SNTB1: variants seen among roughly 807,000 people sequenced by gnomAD.
The protein encoded by SNTB1 is syntrophin beta 1.
SNTB1 carries 36 observed loss-of-function variants against 48.9 expected under a neutral mutation model. The ratio of observed to expected loss-of-function variants is 0.74; its 90% confidence interval spans 0.56 to 0.97. The LOEUF is 0.97. Ranked by LOEUF, SNTB1 falls within the 50% of genes least tolerant of loss-of-function variation. SNTB1 has a pLI of 0.00. For synonymous variants in SNTB1, 299 were observed against 294.6 expected (o/e 1.01, Z -0.15); for missense variants, 786 against 703.4 (o/e 1.12, Z -1.33).
chr8:120,711,165 C>T (rs1389429465), intron 1 of SNTB1, among the ~76,000 whole-genome samples: 3 of 152,082 alleles, frequency 2.0e-5, no homozygotes, highest in African/African-American at 7.2e-5. Context: ...GGACAAGTAG[C>T]CTGAAAAAAT....
chr8:120,600,616 A>T (rs1289383557), intron 3 of SNTB1, among the ~76,000 whole-genome samples: 1 of 152,176 alleles, frequency 6.6e-6, no homozygotes, highest in African/African-American at 2.4e-5. Flanking sequence ...GGAATTCCTT[A>T]CTTGTCTTTT....
intron 1 of SNTB1, among the ~76,000 whole-genome samples, chr8:120,747,298 G>A (rs1194832972): frequency 6.6e-6 from 1 of 152,002 alleles, no homozygotes; most frequent in African/African-American, 2.4e-5. Flanking sequence ...CTTATTTATT[G>A]ATTTATTTTT....
chr8:120,661,643 C>T (rs1244957668), intron 2 of SNTB1, among the ~76,000 whole-genome samples: 1 of 152,122 alleles, frequency 6.6e-6, no homozygotes, highest in African/African-American at 2.4e-5. Flanking sequence ...GTTCTCCCTC[C>T]CCTTTCCCCA....
chr8:120,799,961 A>T (rs987588646), intron 1 of SNTB1, among the ~76,000 whole-genome samples: 2 of 152,098 alleles, frequency 1.3e-5, no homozygotes, highest in African/African-American at 4.8e-5. Flanking sequence ...AATTTTCATG[A>T]CTTTTTGAAA....
Position 120,669,607 on chromosome 8 carries a change from C to T in SNTB1, c.788+24085G>A, listed in dbSNP as rs1454162451. On this transcript the variant is annotated intron_variant, in intron 2 of 6. Transcript: ENST00000517992. ...AGCTGGGACTACAGGCGCCTGCCAC[C>T]GCGCCCGGCTAATTTTTTGTATTTT... Among the ~76,000 whole-genome samples the T allele has an allele frequency of 5.7e-5, 5 of 88,414 alleles. 2 individuals carry two copies. Among genetic ancestry groups the T allele is most frequent in the South Asian group, 6.6e-4 (2 of 3,014 alleles). The allele number at this position is 88,414 out of a possible 152,430, so 58.0% of individuals were successfully genotyped here.
chr8:120,594,053 C>CTTTATTTA (rs147532780), intron 3 of SNTB1, among the ~76,000 whole-genome samples: 2,358 of 150,812 alleles, frequency 0.016, 22 homozygotes, highest in Non-Finnish European at 0.023. Flanking sequence ...CAGTACATGT[C>CTTTATTTA]TTTATTTATT....
chr8:120,711,315 A>G (rs1818460389), intron 1 of SNTB1, among the ~76,000 whole-genome samples: 1 of 138,130 alleles, frequency 7.2e-6, no homozygotes, highest in African/African-American at 2.9e-5. Context: ...ATATTACATA[A>G]TTTAAAAAAT....
intron 2 of SNTB1, among the ~76,000 whole-genome samples, chr8:120,684,934 G>A (rs538947320): frequency 2.6e-5 from 4 of 152,298 alleles, no homozygotes; most frequent in African/African-American, 9.6e-5. Flanking sequence ...GGGATTACAG[G>A]TGTGAGCCAC....
chr8:120,764,126 T>C (rs1211292314), intron 1 of SNTB1, among the ~76,000 whole-genome samples: 1 of 152,214 alleles, frequency 6.6e-6, no homozygotes, highest in East Asian at 1.9e-4. Context: ...TCCAAGGTTA[T>C]TCATTATAGT....
intron 3 of SNTB1, among the ~76,000 whole-genome samples, chr8:120,603,027 T>C (rs1353183080): frequency 6.6e-6 from 1 of 152,060 alleles, no homozygotes; most frequent in Admixed American, 6.6e-5. Context: ...TCTCAGTTAT[T>C]TTTGTGGGGC....
intron 1 of SNTB1, among the ~76,000 whole-genome samples, chr8:120,757,256 C>T (rs760180724): frequency 5.9e-5 from 9 of 152,112 alleles, no homozygotes; most frequent in Non-Finnish European, 1.2e-4. Context: ...GGACTGCATT[C>T]CTACATGATA....
chr8:120,574,166 G>A (rs1286557859), intron 4 of SNTB1, among the ~76,000 whole-genome samples: 3 of 152,132 alleles, frequency 2.0e-5, no homozygotes, highest in Non-Finnish European at 2.9e-5. Context: ...CTAAAATGAC[G>A]AAGCTCTTAA....
intron 2 of SNTB1, among the ~76,000 whole-genome samples, chr8:120,676,797 T>A (rs1817844422): frequency 6.6e-6 from 1 of 152,108 alleles, no homozygotes; most frequent in African/African-American, 2.4e-5. Context: ...GGCTCACATC[T>A]GTAATATCAG....
intron 4 of SNTB1, among the ~76,000 whole-genome samples, chr8:120,573,639 A>G (rs1267830000): frequency 6.6e-6 from 1 of 151,998 alleles, no homozygotes; most frequent in Non-Finnish European, 1.5e-5. Context: ...ATTTTTCCCT[A>G]TGTTTTCTTC....
chr8:120,542,475 G>A (rs1815305037), intron 5 of SNTB1, among the ~76,000 whole-genome samples: 1 of 152,114 alleles, frequency 6.6e-6, no homozygotes, highest in Non-Finnish European at 1.5e-5. Context: ...CCAATATGGT[G>A]CAACCCCATC....
rs11991454 is a variant in SNTB1 at position 120,638,488 on chromosome 8, G to A, written c.789-5837C>T. Among the ~76,000 whole-genome samples the A allele has an allele frequency of 2.9e-3, 437 of 151,922 alleles. 2 individuals are homozygous for A. Among genetic ancestry groups the A allele is most frequent in the African/African-American group, 0.01 (425 of 41,428 alleles). ...TGTTACATGTGTATACATGTGCCAT[G>A]TTGGTGTGCTGCACCCATTAACTCA... On this transcript the variant is annotated intron_variant, in intron 2 of 6. Transcript: ENST00000517992.
In SNTB1 at chr8:120,632,616, G is replaced by A. The variant is rs547745148; in HGVS notation, c.824C>T (p.Thr275Met). ...TGAGTCCTTGCTCCTTAGGATCACC[G>A]TGTGCTTAGCATCTGGAGAGTGGAT... ...LEIHSPDAKHTVILRSKDSAT... is the reference protein window; with the variant it reads ...LEIHSPDAKHMVILRSKDSAT... The change falls in exon 3 of 7, where the codon ACG becomes ATG. Residue 275 changes from threonine to methionine, a missense_variant. Physicochemically the swap from Thr to Met is moderately conservative, Grantham distance 81. Transcript: ENST00000517992. The A allele has an allele frequency of 4.8e-5, 78 of 1,614,114 alleles. No individual in the cohort carries two copies. Among genetic ancestry groups the A allele is most frequent in the East Asian group, 8.9e-5 (4 of 44,878 alleles).
intron 1 of SNTB1, among the ~76,000 whole-genome samples, chr8:120,709,068 G>A (rs1458490457): frequency 6.6e-6 from 1 of 151,876 alleles, no homozygotes; most frequent in African/African-American, 2.4e-5. Context: ...AAGTGAGAGA[G>A]TGAAAAAATG....
chr8:120,783,192 T>C (rs1206147992), intron 1 of SNTB1, among the ~76,000 whole-genome samples: 1 of 149,086 alleles, frequency 6.7e-6, no homozygotes, highest in Non-Finnish European at 1.5e-5. Context: ...ATCACTGATA[T>C]TTTCCAAATA....
Sources: gnomAD v4.1 joint callset for allele counts (sites outside exome capture counted in the v4.1 genomes callset) on GRCh38, gnomAD v4.1.1 for gene constraint, MANE v1.5 for transcripts, NCBI Gene and HGNC (gene_info 2026-07-23, HGNC 2026-07-21) for gene names.